NT5DC3: variants seen among roughly 807,000 people sequenced by gnomAD.
NT5DC3 encodes 5'-nucleotidase domain containing 3.
A neutral mutation model predicts 67.8 loss-of-function variants in NT5DC3; 42 were observed. The observed-to-expected ratio is 0.62, with a 90% confidence interval of 0.48 to 0.80. The LOEUF is 0.80. Among genes scored for constraint, NT5DC3 ranks in the 30% least tolerant of loss-of-function variants. The probability of loss-of-function intolerance (pLI) is 0.00; values close to 1 mark genes in which losing one functional copy is unlikely to be tolerated. For synonymous variants in NT5DC3, 237 were observed against 255.6 expected (o/e 0.93, Z 0.69); for missense variants, 570 against 696.4 (o/e 0.82, Z 2.04).
intron 11 of NT5DC3, among the ~76,000 whole-genome samples, chr12:103,786,449 G>A (rs1243063410): frequency 6.6e-6 from 1 of 152,192 alleles, no homozygotes; most frequent in Non-Finnish European, 1.5e-5. Flanking sequence ...AAAACAGGGG[G>A]CAGAGGCAGA....
At chr12:103,830,439 G>C (rs563975134) in intron 1 of NT5DC3, among the ~76,000 whole-genome samples, 87 of 152,264 alleles carry the variant, frequency 5.7e-4, no homozygotes, top group African/African-American at 2.1e-3. Context: ...GGAAAACTCT[G>C]AGCAATTTTT....
chr12:103,750,489 C>T, the NT5DC3 span: 3 of 1,543,302 alleles, frequency 1.9e-6, no homozygotes, highest in Non-Finnish European at 2.6e-6. Flanking sequence ...CTGAACACCT[C>T]CTAGGCTGGA....
chr12:103,839,506 T>C (rs755716468), intron 1 of NT5DC3, among the ~76,000 whole-genome samples: 1 of 152,188 alleles, frequency 6.6e-6, no homozygotes, highest in Non-Finnish European at 1.5e-5. Flanking sequence ...CCTCCCAAAG[T>C]GCTGGGATTA....
chr12:103,828,278 C>T (rs1472994559), intron 1 of NT5DC3, among the ~76,000 whole-genome samples: 1 of 152,158 alleles, frequency 6.6e-6, no homozygotes, highest in Non-Finnish European at 1.5e-5. Flanking sequence ...GCCAGATGGC[C>T]ACTAATAAAG....
intron 7 of NT5DC3, 144 bp downstream of exon 7, chr12:103,793,793 C>A: frequency 1.5e-6 from 1 of 681,892 alleles, no homozygotes; most frequent in Non-Finnish European, 2.6e-6. Flanking sequence ...AAAGAGGAGA[C>A]GGCTAACATG....
chr12:103,835,749 CG>C (rs1421057506), intron 1 of NT5DC3, among the ~76,000 whole-genome samples: 3 of 152,216 alleles, frequency 2.0e-5, no homozygotes, highest in Non-Finnish European at 2.9e-5. Context: ...GAAAGTAACA[CG>C]GCTGTCATAC....
chr12:103,801,559 T>G (rs1886583479), intron 4 of NT5DC3, among the ~76,000 whole-genome samples: 2 of 151,826 alleles, frequency 1.3e-5, no homozygotes, highest in Admixed American at 1.3e-4. Context: ...ATTTTTGCAT[T>G]TTTAGGAGAG....
At chr12:103,755,598 C>T in the NT5DC3 span, 4 of 1,613,690 alleles carry the variant, frequency 2.5e-6, no homozygotes, top group Admixed American at 1.7e-5. Flanking sequence ...ACCCTGTGTG[C>T]CTCTGCCCTC....
intron 1 of NT5DC3, among the ~76,000 whole-genome samples, chr12:103,815,903 T>C (rs1887230776): frequency 6.6e-6 from 1 of 152,314 alleles, no homozygotes; most frequent in South Asian, 2.1e-4. Context: ...TTTTAGAAAG[T>C]AAAAGTATAG....
At chr12:103,770,948 A>G (rs1885167847), downstream of NT5DC3, 1 of 152,284 alleles carries the variant, frequency 6.6e-6, no homozygotes, top group Admixed American at 6.5e-5. Context: ...CCTATCTACC[A>G]TGTAGAAGTC....
chr12:103,749,752 A>C, the NT5DC3 span, among the ~76,000 whole-genome samples: 3 of 148,024 alleles, frequency 2.0e-5, no homozygotes, highest in African/African-American at 7.4e-5. Flanking sequence ...AGGCAGGAGA[A>C]TGGCATGAAC....
At chr12:103,820,163 G>A (rs1451131664) in intron 1 of NT5DC3, among the ~76,000 whole-genome samples, 1 of 152,216 alleles carries the variant, frequency 6.6e-6, no homozygotes, top group Non-Finnish European at 1.5e-5. Context: ...ACAGGCCATT[G>A]GGTTGCTTCT....
chr12:103,766,493 G>A (rs1008390118), downstream of NT5DC3: 2 of 835,656 alleles, frequency 2.4e-6, no homozygotes, highest in African/African-American at 1.7e-5. Flanking sequence ...TTCTGTGGGT[G>A]AGAGATGTGT....
intron 4 of NT5DC3, among the ~76,000 whole-genome samples, chr12:103,803,195 T>G (rs1886656735): frequency 6.6e-6 from 1 of 152,098 alleles, no homozygotes; most frequent in Non-Finnish European, 1.5e-5. Context: ...TTAGGAGCTA[T>G]GAGTAGGGGA....
At chr12:103,824,096 A>G (rs1360773118) in intron 1 of NT5DC3, among the ~76,000 whole-genome samples, 1 of 152,254 alleles carries the variant, frequency 6.6e-6, no homozygotes, top group Non-Finnish European at 1.5e-5. Context: ...TGTTACACTC[A>G]GTGCCAACAA....
chr12:103,755,081 C>A, the NT5DC3 span: 4 of 562,708 alleles, frequency 7.1e-6, no homozygotes, highest in Admixed American at 6.2e-5. Flanking sequence ...TATGAAAGAC[C>A]TGGGCACCTA....
chr12:103,837,836 C>A (rs1306022905), intron 1 of NT5DC3, among the ~76,000 whole-genome samples: 1 of 152,198 alleles, frequency 6.6e-6, no homozygotes, highest in African/African-American at 2.4e-5. Flanking sequence ...TCTTCTGAGT[C>A]CTCCAAACTG....
At chr12:103,750,811 C>T in the NT5DC3 span, 20 of 1,454,562 alleles carry the variant, frequency 1.4e-5, no homozygotes, top group Non-Finnish European at 1.8e-5. Flanking sequence ...ACAAAACAGG[C>T]CAAGCCTGGT....
At chr12:103,779,355 G>C (rs1372992932) in intron 13 of NT5DC3, among the ~76,000 whole-genome samples, 1 of 152,092 alleles carries the variant, frequency 6.6e-6, no homozygotes, top group Non-Finnish European at 1.5e-5. Context: ...TAAAATGAAT[G>C]AATTCTATTT....
Sources: allele counts gnomAD v4.1 joint callset (sites outside exome capture counted in the v4.1 genomes callset), GRCh38; gene constraint gnomAD v4.1.1; transcripts MANE v1.5; gene names NCBI Gene and HGNC (gene_info 2026-07-23, HGNC 2026-07-21).